THADA: variants seen among roughly 807,000 people sequenced by gnomAD.
THADA encodes tRNA (32-2'-O)-methyltransferase regulator THADA.
A neutral mutation model predicts 219.8 loss-of-function variants in THADA; 213 were observed. The observed-to-expected ratio is 0.97, with a 90% CI of 0.87 to 1.09. THADA has a LOEUF of 1.09. THADA is among the 50% of genes least tolerant of loss of function. The pLI is 0.00. For synonymous variants in THADA, 1,018 were observed against 828.9 expected, an observed-to-expected ratio of 1.23 and a Z score of -3.92; for missense variants, 2,956 against 2,311.3, an observed-to-expected ratio of 1.28 and a Z score of -5.72.
At position 43,574,368 on chromosome 2, in the gene THADA, T is replaced by C; in HGVS notation, c.1697A>G (p.Lys566Arg). 6.3e-7 allele frequency: 1 copy of C among 1,589,066 alleles called. No individual in the cohort carries two copies. The highest frequency in any genetic ancestry group is 8.5e-7 in the Non-Finnish European group (1 of 1,170,164). Residue 566 changes from lysine (K) to arginine (R), a missense_variant, in exon 11 of 38, where the codon AAG (lysine) becomes AGG (arginine). Physicochemically the swap from Lys to Arg is conservative, Grantham distance 26. Coordinates refer to ENST00000405975, the MANE Select transcript of THADA (RefSeq NM_022065.5). ...YSPESLQYMVKILQTSIDAKT... is the reference protein window; with the variant it reads ...YSPESLQYMVRILQTSIDAKT... ...AGCATCAATAGAAGTCTGAAGAATC[T>C]TTACCATGTACTGTAAGCTTTCAGG...
chr2:43,471,926 T>C (rs1684953943), intron 26 of THADA, among the ~76,000 whole-genome samples: 2 of 152,182 alleles, frequency 1.3e-5, no homozygotes, highest in Admixed American at 1.3e-4. Flanking sequence ...CCTTAATACA[T>C]AATGAAGATA....
chr2:43,491,692 G>C (rs762304181), intron 25 of THADA, among the ~76,000 whole-genome samples: 1 of 152,296 alleles, frequency 6.6e-6, no homozygotes. Context: ...CCTAGGTGTG[G>C]AGTAGGCTAT....
At chr2:43,476,481 A>G (rs1045835223) in intron 26 of THADA, among the ~76,000 whole-genome samples, 14 of 152,280 alleles carry the variant, frequency 9.2e-5, no homozygotes, top group Admixed American at 9.2e-4. Context: ...CTGGTTATAT[A>G]TGGGATAGTA....
At chr2:43,531,915 C>A (rs915184270) in intron 21 of THADA, among the ~76,000 whole-genome samples, 1 of 151,578 alleles carries the variant, frequency 6.6e-6, no homozygotes, top group South Asian at 2.1e-4. Flanking sequence ...ACTTCCTTAA[C>A]ATCATAAAGA....
rs774826158 is a variant in THADA, at chr2:43,590,878, G to C, written c.248C>G (p.Ala83Gly). ...PTIQSCLDIL[A>G]GIYLSLSLKN... ...TAGACTCAAAGAAAGATAAATGCCT[G>C]CTAAGATATCCAAACAACTTTGAAT... Residue 83 changes from alanine to glycine, a missense_variant, in exon 4 of 38, where the codon GCA becomes GGA. Ala to Gly is a moderately conservative substitution (Grantham distance 60, BLOSUM62 0). Transcript: ENST00000405975. 3.1e-6 allele frequency: 5 copies of C among 1,613,572 alleles called. No individual in the cohort carries two copies. Among genetic ancestry groups the C allele is most frequent in the Non-Finnish European group, 4.2e-6 (5 of 1,179,766 alleles).
intron 20 of THADA, among the ~76,000 whole-genome samples, chr2:43,541,540 G>A (rs973656099): frequency 3.3e-5 from 5 of 151,222 alleles, no homozygotes; most frequent in South Asian, 2.1e-4. Context: ...ACAGGGTCTC[G>A]CTCTGTCACC....
At chr2:43,272,881 C>T (rs1455775671) in intron 36 of THADA, among the ~76,000 whole-genome samples, 2 of 152,006 alleles carry the variant, frequency 1.3e-5, no homozygotes, top group Non-Finnish European at 2.9e-5. Context: ...CTGCCCCGGC[C>T]TCCGAAAGTG....
chr2:43,320,831 CTTAG>C (rs1558575464), intron 30 of THADA, among the ~76,000 whole-genome samples: 1 of 152,086 alleles, frequency 6.6e-6, no homozygotes, highest in Non-Finnish European at 1.5e-5. Context: ...AAGATCCTAT[CTTAG>C]TTAGTTGAAA....
At chr2:43,341,391 G>C (rs1667045341) in intron 30 of THADA, among the ~76,000 whole-genome samples, 1 of 152,182 alleles carries the variant, frequency 6.6e-6, no homozygotes, top group African/African-American at 2.4e-5. Context: ...AGCCCAATTA[G>C]AAAACAGCAA....
At chr2:43,329,003 G>A (rs545615531) in intron 30 of THADA, among the ~76,000 whole-genome samples, 3 of 152,310 alleles carry the variant, frequency 2.0e-5, no homozygotes, top group East Asian at 3.9e-4. Context: ...TATGTGCGGA[G>A]AATGATGAAA....
intron 28 of THADA, among the ~76,000 whole-genome samples, chr2:43,401,044 A>G (rs1573471017): frequency 1.3e-5 from 2 of 152,118 alleles, no homozygotes; most frequent in East Asian, 1.9e-4. Flanking sequence ...AAATACACTT[A>G]AGGTCTCGAA....
At chr2:43,565,652 G>C (rs1042714928) in intron 15 of THADA, 1 of 152,214 alleles carries the variant, frequency 6.6e-6, no homozygotes, top group Non-Finnish European at 1.5e-5. Context: ...TCCAATGATA[G>C]TGTAAAGCTC....
At chr2:43,531,828 T>TTCTTTCTAG (rs1381476746) in intron 21 of THADA, among the ~76,000 whole-genome samples, 2 of 152,162 alleles carry the variant, frequency 1.3e-5, no homozygotes, top group Non-Finnish European at 2.9e-5. Flanking sequence ...TTTATTGCAT[T>TTCTTTCTAG]TCTTTCTAGT....
At chr2:43,553,292 C>T (rs185023413) in intron 17 of THADA, among the ~76,000 whole-genome samples, 17 of 152,200 alleles carry the variant, frequency 1.1e-4, no homozygotes, top group Admixed American at 3.3e-4. Flanking sequence ...TTTGTGCTTC[C>T]TCCCCCACCC....
chr2:43,503,516 T>C (rs935338814), intron 24 of THADA, among the ~76,000 whole-genome samples: 3 of 152,178 alleles, frequency 2.0e-5, no homozygotes, highest in African/African-American at 7.2e-5. Context: ...TAATTTGGGT[T>C]AGTGATTATA....
chr2:43,574,561 A>G lies in THADA; in HGVS notation c.1504T>C (p.Phe502Leu). Residue 502 changes from phenylalanine (F) to leucine (L), a missense_variant, in exon 11 of 38, where the codon TTT becomes CTT. Transcript: ENST00000405975. The part of the protein sequence containing the change: ...PYASDLLETM[F>L]RNHKSHLKSQ... The stretch of plus-strand genomic sequence containing the variant: ...TTCAAATGACTCTTATGATTTCTAA[A>G]CATGGTTTCCAAGAGGTCACTTGCA... 1 of 1,614,010 alleles carries G rather than the reference A, an allele frequency of 6.2e-7. No homozygotes were observed. Among genetic ancestry groups the G allele is most frequent in the Non-Finnish European group, 8.5e-7 (1 of 1,179,884 alleles).
chr2:43,535,675 CAAAAAAAAAAAAAAA>C (rs1177702416), intron 21 of THADA, among the ~76,000 whole-genome samples: 1 of 30,354 alleles, frequency 3.3e-5, no homozygotes, highest in Non-Finnish European at 6.1e-5. Context: ...CAGCGAGACT[CAAAAAAAAAAAAAAA>C]AAAAAAAAAA....
intron 21 of THADA, among the ~76,000 whole-genome samples, chr2:43,530,388 G>C (rs1300410940): frequency 6.6e-6 from 1 of 151,974 alleles, no homozygotes; most frequent in Admixed American, 6.6e-5. Context: ...CCTAAAATAG[G>C]GCTGAAGCCC....
At chr2:43,235,954 C>T (rs1464455831) in intron 36 of THADA, among the ~76,000 whole-genome samples, 1 of 151,924 alleles carries the variant, frequency 6.6e-6, no homozygotes, top group Non-Finnish European at 1.5e-5. Flanking sequence ...TTACAGGCAC[C>T]CGCCACCACG....
Sources: gnomAD v4.1 joint callset for allele counts (sites outside exome capture counted in the v4.1 genomes callset) on GRCh38, gnomAD v4.1.1 for gene constraint, MANE v1.5 for transcripts, NCBI Gene and HGNC (gene_info 2026-07-23, HGNC 2026-07-21) for gene names.